The following RIMBP2 variants were observed in gnomAD, a reference collection of about 807,000 sequenced individuals.
RIMBP2 encodes RIMS-binding protein 2.
A neutral mutation model predicts 118.6 loss-of-function variants in RIMBP2; 48 were observed. The ratio of observed to expected loss-of-function variants is 0.40; its 90% CI spans 0.32 to 0.51. The LOEUF (loss-of-function observed/expected upper bound fraction) is 0.51. Among genes scored for constraint, RIMBP2 ranks in the 20% least tolerant of loss-of-function variants. The pLI, the probability that RIMBP2 is intolerant of heterozygous loss-of-function variation, is 0.41. For missense variants in RIMBP2, 1,551 were observed against 1,768.3 expected, an observed-to-expected ratio of 0.88 and a Z score of 2.20; for synonymous variants, 762 against 742.9, an observed-to-expected ratio of 1.03 and a Z score of -0.42.
chr12:130,438,335 A>ACCCCCCCCCCCCCC (rs146625626), intron 12 of RIMBP2, 30 bp downstream of exon 12: 190 of 865,722 alleles, frequency 2.2e-4, no homozygotes, highest in South Asian at 3.3e-4. Context: ...GGCCTAACAA[A>ACCCCCCCCCCCCCC]CCCTCCCCAC....
chr12:130,424,998 C>CG lies in RIMBP2; in HGVS notation c.2413-141dup. The CG allele has an allele frequency of 2.2e-6, 1 of 445,222 alleles. No individual in the cohort carries two copies. The highest frequency in any genetic ancestry group is 3.7e-6 in the Non-Finnish European group (1 of 271,200). 27.6% of individuals were successfully genotyped at this position (445,222 alleles called of 1,614,324 possible). ...GGGGGAAGCATGCGTCTACTCAGGC[C>CG]GGGGGCATGCCGTGGAGGGCTCTGC... On this transcript the variant is annotated intron_variant, in intron 15 of 22. Coordinates refer to ENST00000690449, the MANE Select transcript of RIMBP2 (RefSeq NM_001393629.1). This position sits in a 1 kb window ranked among gnomAD's most constrained non-coding sequence, Gnocchi z 9.8.
chr12:130,674,286 T>A (rs1480613363), intron 1 of RIMBP2, among the ~76,000 whole-genome samples: 1 of 152,086 alleles, frequency 6.6e-6, no homozygotes, highest in Non-Finnish European at 1.5e-5. Flanking sequence ...TCTTAAGGCC[T>A]CCCCAGCCAT....
At chr12:130,588,496 A>T (rs953663540) in intron 2 of RIMBP2, among the ~76,000 whole-genome samples, 6 of 152,154 alleles carry the variant, frequency 3.9e-5, no homozygotes, top group Non-Finnish European at 5.9e-5. Flanking sequence ...TAAATGTGCC[A>T]CCTTGTCCCG....
chr12:130,709,705 T>C (rs915543149), intron 1 of RIMBP2, among the ~76,000 whole-genome samples: 18 of 151,960 alleles, frequency 1.2e-4, no homozygotes, highest in African/African-American at 4.4e-4. Flanking sequence ...GTAATAAGCA[T>C]GAAGAATGCC....
chr12:130,420,662 C>G lies in RIMBP2; in HGVS notation c.3238+1791G>C, dbSNP rs1440636847. Among the ~76,000 whole-genome samples, 1 of 152,024 alleles carries G rather than the reference C, an allele frequency of 6.6e-6. No individual in the cohort carries two copies. Among genetic ancestry groups the G allele is most frequent in the African/African-American group, 2.4e-5 (1 of 41,364 alleles). ...AATACTGATCTAGGAAAATAGCAAA[C>G]CAAAGCGGAGACAAAAAATAATTAT... On this transcript the variant is annotated intron_variant, in intron 17 of 22. Coordinates refer to ENST00000690449, the MANE Select transcript of RIMBP2 (RefSeq NM_001393629.1). This position sits in a 1 kb window ranked among gnomAD's most constrained non-coding sequence, Gnocchi z 4.3.
Position 130,649,200 on chromosome 12 carries a change from C to T in RIMBP2, c.-351-20744G>A, listed in dbSNP as rs1310050704. Reference sequence around the variant, plus strand: ...ACCGGAGGGACAGAACCGTGCCAAGCGCGTGTGTGACTGCAAAGCCAGCCT... The same window carrying T: ...ACCGGAGGGACAGAACCGTGCCAAGTGCGTGTGTGACTGCAAAGCCAGCCT... On this transcript the variant is annotated intron_variant, in intron 1 of 22. Transcript: ENST00000690449. Among the ~76,000 whole-genome samples the T allele has an allele frequency of 2.7e-5, 4 of 146,042 alleles. 1 individual carries two copies. The highest frequency in any genetic ancestry group is 4.7e-5 in the Non-Finnish European group (3 of 64,348).
intron 7 of RIMBP2, among the ~76,000 whole-genome samples, chr12:130,451,635 T>C (rs2079021436): frequency 6.6e-6 from 1 of 152,176 alleles, no homozygotes; most frequent in Admixed American, 6.5e-5. Flanking sequence ...GCAAACAGGC[T>C]GCTCCTTTCC....
chr12:130,472,862 C>G (rs2081122392), intron 5 of RIMBP2, among the ~76,000 whole-genome samples: 1 of 152,154 alleles, frequency 6.6e-6, no homozygotes. Flanking sequence ...TGGAACACAG[C>G]ATGTTAATTA....
rs1357014131 is a variant in RIMBP2, at chr12:130,621,067, G to A, written c.-217+7255C>T. 6.6e-6 allele frequency among the ~76,000 whole-genome samples: 1 copy of A among 152,194 alleles called. No individual in the cohort carries two copies. Among genetic ancestry groups the A allele is most frequent in the East Asian group, 1.9e-4 (1 of 5,182 alleles). On this transcript the variant is annotated intron_variant, in intron 2 of 22. Coordinates refer to ENST00000690449, the MANE Select transcript of RIMBP2 (RefSeq NM_001393629.1). This position sits in a 1 kb window ranked among gnomAD's most constrained non-coding sequence, Gnocchi z 6.6. ...ATGCACACACCTCTGTAAGGAGATG[G>A]AGTCACCCCTTAGTGAGGGTGGGTT...
At chr12:130,409,332 CTTTTTTTTTTTTT>C (rs35015661) in intron 19 of RIMBP2, among the ~76,000 whole-genome samples, 1 of 65,384 alleles carries the variant, frequency 1.5e-5, no homozygotes, top group Non-Finnish European at 2.9e-5. Flanking sequence ...CAAAATGTAG[CTTTTTTTTTTTTT>C]TTTTTTTTTT....
chr12:130,523,501 G>C lies in RIMBP2; in HGVS notation c.-216-5584C>G, dbSNP rs1344258402. On this transcript the variant is annotated intron_variant, in intron 2 of 22. Transcript: ENST00000690449. The surrounding 1 kb of genome is among the most constrained non-coding windows in gnomAD (Gnocchi z 4.4). ...ACAGTGTCTCCCGAGGCAGCTCAAGGGCTCGTCAAGGAAGAAACTGGGTCT... is the reference window on the plus strand; with the variant it reads ...ACAGTGTCTCCCGAGGCAGCTCAAGCGCTCGTCAAGGAAGAAACTGGGTCT... 6.6e-6 allele frequency among the ~76,000 whole-genome samples: 1 copy of C among 152,172 alleles called. No homozygotes were observed. The highest frequency in any genetic ancestry group is 2.4e-5 in the African/African-American group (1 of 41,434).
intron 4 of RIMBP2, among the ~76,000 whole-genome samples, chr12:130,502,526 C>T (rs929477948): frequency 7.2e-5 from 11 of 152,054 alleles, no homozygotes; most frequent in African/African-American, 2.7e-4. Flanking sequence ...GCCTGGAATG[C>T]TCCTCCCTGA....
At chr12:130,568,184 T>A (rs1386961862) in intron 2 of RIMBP2, among the ~76,000 whole-genome samples, 1 of 152,160 alleles carries the variant, frequency 6.6e-6, no homozygotes, top group East Asian at 1.9e-4. Context: ...AAGGCAGGGT[T>A]TCTCATAACT....
At chr12:130,642,902 G>C (rs10744476) in intron 1 of RIMBP2, among the ~76,000 whole-genome samples, 68,741 of 152,042 alleles carry the variant, frequency 0.45, 17,165 homozygotes, top group Non-Finnish European at 0.57. Context: ...GCCGCTCACT[G>C]AGAGAGGGGC....
In RIMBP2 at chr12:130,456,480, A is replaced by G. The variant is rs2079450982; in HGVS notation, c.358+16T>C. ...CTCTCCCCACCACAGCCAAGGCGGA[A>G]GGTCCAGGCGCTTACCTTTGCCGAG... On this transcript the variant is annotated intron_variant, in intron 7 of 22. Coordinates refer to ENST00000690449, the MANE Select transcript of RIMBP2 (RefSeq NM_001393629.1). The G allele has an allele frequency of 6.5e-7, 1 of 1,548,988 alleles. No homozygotes were observed. The highest frequency in any genetic ancestry group is 1.9e-5 in the Admixed American group (1 of 52,654).
chr12:130,551,317 A>G (rs1387969175), intron 2 of RIMBP2, among the ~76,000 whole-genome samples: 6 of 152,210 alleles, frequency 3.9e-5, no homozygotes, highest in Non-Finnish European at 8.8e-5. Flanking sequence ...CAGGAAAACA[A>G]TTCATATAAT....
At chr12:130,480,210 C>T (rs1163897653) in intron 4 of RIMBP2, among the ~76,000 whole-genome samples, 1 of 147,254 alleles carries the variant, frequency 6.8e-6, no homozygotes, top group African/African-American at 2.5e-5. Context: ...CACACACACA[C>T]ACACACACAC....
chr12:130,612,991 A>C (rs2060655171), intron 2 of RIMBP2, among the ~76,000 whole-genome samples: 1 of 144,542 alleles, frequency 6.9e-6, no homozygotes, highest in African/African-American at 2.6e-5. Context: ...CGCCACCTGC[A>C]CAGGCTACTT....
intron 2 of RIMBP2, among the ~76,000 whole-genome samples, chr12:130,556,558 C>A (rs2056374091): frequency 1.3e-5 from 2 of 152,230 alleles, no homozygotes; most frequent in African/African-American, 4.8e-5. Context: ...GATGGACAAC[C>A]AAGCAACTGT....
Sources: allele counts gnomAD v4.1 joint callset (sites outside exome capture counted in the v4.1 genomes callset), GRCh38; gene constraint gnomAD v4.1.1; non-coding constraint Gnocchi (gnomAD v3.1); transcripts MANE v1.5; gene names NCBI Gene and HGNC (gene_info 2026-07-23, HGNC 2026-07-21).